WDR35: variants seen among roughly 807,000 people sequenced by gnomAD.
WDR35 encodes the protein WD repeat domain 35.
In WDR35, 118 loss-of-function variants were observed where a neutral mutation model predicts 158.3. That is an observed-to-expected ratio of 0.75 (90% CI 0.64 to 0.87). The LOEUF is 0.87. Among genes scored for constraint, WDR35 ranks in the 40% least tolerant of loss-of-function variants. WDR35 has a pLI of 0.00. For missense variants in WDR35, 1,263 were observed against 1,405.8 expected, an observed-to-expected ratio of 0.90 and a Z score of 1.62; for synonymous variants, 448 against 476.1, an observed-to-expected ratio of 0.94 and a Z score of 0.77.
intron 19 of WDR35, among the ~76,000 whole-genome samples, chr2:19,936,693 C>T (rs959172159): frequency 6.6e-6 from 1 of 152,130 alleles, no homozygotes; most frequent in Non-Finnish European, 1.5e-5. Context: ...AGAGAATTTG[C>T]CCCTTTTGCC....
At chr2:19,914,441 A>G (rs932433919) in intron 25 of WDR35, among the ~76,000 whole-genome samples, 164 bp from the exon 26 acceptor site, 5 of 152,274 alleles carry the variant, frequency 3.3e-5, no homozygotes, top group Middle Eastern at 3.2e-3. Context: ...ACTAGGCTAC[A>G]TGATATCCAA....
rs1416539970 is a variant in WDR35 at position 19,974,650 on chromosome 2, A to G, written c.571-17T>C. ...CATTTTTATCTAAATAAAATTGGTT[A>G]GGTTTAATATTTTACATTTTAAAAC... On this transcript the variant is annotated splice_polypyrimidine_tract_variant and intron_variant, in intron 6 of 26. Coordinates refer to ENST00000281405, the MANE Select transcript of WDR35 (RefSeq NM_020779.4). 1 of 1,608,888 alleles carries G rather than the reference A, an allele frequency of 6.2e-7. No homozygotes were observed. Among genetic ancestry groups the G allele is most frequent in the South Asian group, 1.1e-5 (1 of 90,482 alleles).
intron 25 of WDR35, 46 bp from the exon 26 acceptor site, chr2:19,914,323 A>G (rs771841530): frequency 6.2e-7 from 1 of 1,610,310 alleles, no homozygotes; most frequent in Non-Finnish European, 8.5e-7. Context: ...AATTATTATG[A>G]TATCATGAAC....
At chr2:19,935,434 C>A in intron 21 of WDR35, 37 bp downstream of exon 21, 1 of 1,608,922 alleles carries the variant, frequency 6.2e-7, no homozygotes, top group South Asian at 1.1e-5. Context: ...TATAAAGTAA[C>A]CTAACAATTC....
intron 25 of WDR35, among the ~76,000 whole-genome samples, chr2:19,917,576 G>C (rs1175929878): frequency 6.6e-6 from 1 of 152,186 alleles, no homozygotes; most frequent in African/African-American, 2.4e-5. Context: ...GAAAAACACA[G>C]CACAAGAACT....
intron 16 of WDR35, among the ~76,000 whole-genome samples, chr2:19,943,782 A>G (rs1254748475): frequency 6.6e-6 from 1 of 152,134 alleles, no homozygotes; most frequent in Admixed American, 6.6e-5. Flanking sequence ...CAAGCAGGGA[A>G]TATCAACATT....
intron 14 of WDR35, among the ~76,000 whole-genome samples, chr2:19,947,826 T>G (rs1671106497): frequency 6.6e-6 from 1 of 152,232 alleles, no homozygotes; most frequent in Non-Finnish European, 1.5e-5. Context: ...TGGTCATCCC[T>G]GTACTGCTTT....
chr2:19,976,004 A>G (rs1672197854), intron 5 of WDR35, among the ~76,000 whole-genome samples: 1 of 152,198 alleles, frequency 6.6e-6, no homozygotes, highest in Non-Finnish European at 1.5e-5. Flanking sequence ...AACTGAGTCC[A>G]TGCTTACACT....
At chr2:19,953,777 G>A (rs936317538) in intron 12 of WDR35, 57 bp downstream of exon 12, 46 of 1,607,380 alleles carry the variant, frequency 2.9e-5, no homozygotes, top group Non-Finnish European at 3.4e-5. Context: ...CAATTACTAT[G>A]TCTGACTTCA....
In WDR35 at chr2:19,930,287, T is replaced by C. The variant is rs1043646981; in HGVS notation, c.3121+109A>G. ...ACTCAAACATAGGAAAATAAATCCA[T>C]AGGAAAAAATGTTATTGAAGGCCAC... On this transcript the variant is annotated intron_variant, in intron 25 of 26. Coordinates refer to ENST00000281405, the MANE Select transcript of WDR35 (RefSeq NM_020779.4). 1.0e-5 allele frequency: 15 copies of C among 1,505,446 alleles called. No homozygotes were observed. In the African/African-American group the frequency reaches 1.4e-4, roughly 14 times the overall value. 93.3% of individuals were successfully genotyped at this position (1,505,446 alleles called of 1,614,324 possible). A position where few individuals can be genotyped will look rare whatever the true frequency, so the allele number is the denominator to read the frequency against.
chr2:19,963,153 C>A (rs1022035056), intron 10 of WDR35, among the ~76,000 whole-genome samples: 3 of 152,170 alleles, frequency 2.0e-5, no homozygotes, highest in Admixed American at 2.0e-4. Flanking sequence ...CACACAGGGG[C>A]ACCTTTCCAT....
intron 10 of WDR35, among the ~76,000 whole-genome samples, chr2:19,965,861 C>T (rs979894056): frequency 1.3e-5 from 2 of 152,148 alleles, no homozygotes; most frequent in African/African-American, 4.8e-5. Context: ...CCACCAGGTA[C>T]CCCCAAGTCC....
At position 19,982,507 on chromosome 2, in the gene WDR35, G is replaced by A; in HGVS notation, c.170C>T (p.Ala57Val). ...CTGATTCATAGAAAGGTTACTGGGG[G>A]CTGCAAGGCCCCTCAATTTTGCATC... ...TDDAKLRGLA[A>V]PSNLSMNQTL... The change falls in exon 3 of 27, where the codon GCC becomes GTC. Residue 57 changes from alanine to valine, a missense_variant. Ala to Val is a moderately conservative substitution (Grantham distance 64). Coordinates refer to ENST00000281405, the MANE Select transcript of WDR35 (RefSeq NM_020779.4). The A allele has an allele frequency of 1.2e-6, 2 of 1,613,778 alleles. No individual in the cohort carries two copies. Among genetic ancestry groups the A allele is most frequent in the Non-Finnish European group, 1.7e-6 (2 of 1,179,888 alleles).
At position 19,989,295 on chromosome 2, in the gene WDR35, C is replaced by G. The variant is rs1295579839; in HGVS notation, c.25-13G>C. On this transcript the variant is annotated splice_polypyrimidine_tract_variant and intron_variant, in intron 1 of 26. Coordinates refer to ENST00000281405, the MANE Select transcript of WDR35 (RefSeq NM_020779.4). ...TGGGAATGGAAATCTGAAAAAGCAACCACAGCCGCACTAGCAACTTTTCAC... is the reference window on the plus strand; with the variant it reads ...TGGGAATGGAAATCTGAAAAAGCAAGCACAGCCGCACTAGCAACTTTTCAC... 6.2e-7 allele frequency: 1 copy of G among 1,611,094 alleles called. No individual in the cohort carries two copies. The highest frequency in any genetic ancestry group is 1.1e-5 in the South Asian group (1 of 91,014).
intron 16 of WDR35, among the ~76,000 whole-genome samples, chr2:19,945,261 C>T (rs923756725): frequency 1.3e-5 from 2 of 151,910 alleles, no homozygotes; most frequent in Admixed American, 1.3e-4. Flanking sequence ...GAGATTAATC[C>T]CTGCCTGCAC....
At chr2:19,970,671 C>T (rs1672009886) in intron 8 of WDR35, among the ~76,000 whole-genome samples, 2 of 152,190 alleles carry the variant, frequency 1.3e-5, no homozygotes. Context: ...CTTAATATCC[C>T]ACTATTTAGC....
chr2:19,916,404 G>A (rs2103380980), intron 25 of WDR35, among the ~76,000 whole-genome samples: 1 of 152,294 alleles, frequency 6.6e-6, no homozygotes, highest in Middle Eastern at 3.4e-3. Flanking sequence ...TCACTCCCCT[G>A]GAAAGGGGGC....
chr2:19,913,009 T>C lies in WDR35; in HGVS notation c.*549A>G, dbSNP rs951041068. The C allele has an allele frequency of 4.6e-5, 7 of 152,530 alleles. No individual in the cohort carries two copies. Among genetic ancestry groups the C allele is most frequent in the African/African-American group, 1.4e-4 (6 of 41,464 alleles). 9.4% of individuals were successfully genotyped at this position (152,530 alleles called of 1,614,324 possible). Reference sequence around the variant, plus strand: ...ATAGGGCTATTAGAAACAATTCAGATTGTAAAAAATGTCTTAAAATGCCAT... The same window carrying C: ...ATAGGGCTATTAGAAACAATTCAGACTGTAAAAAATGTCTTAAAATGCCAT... On this transcript the variant is annotated 3_prime_UTR_variant, in exon 27 of 27. Coordinates refer to ENST00000281405, the MANE Select transcript of WDR35 (RefSeq NM_020779.4).
At chr2:19,948,666 G>A (rs1304910303) in intron 13 of WDR35, among the ~76,000 whole-genome samples, 1 of 152,140 alleles carries the variant, frequency 6.6e-6, no homozygotes, top group African/African-American at 2.4e-5. Flanking sequence ...AGGGCATTAC[G>A]CTTAGTGAAA....
Sources: gnomAD v4.1 joint callset for allele counts (sites outside exome capture counted in the v4.1 genomes callset) on GRCh38, gnomAD v4.1.1 for gene constraint, MANE v1.5 for transcripts, NCBI Gene and HGNC (gene_info 2026-07-23, HGNC 2026-07-21) for gene names.